The following SLC25A21 variants were observed in gnomAD, a reference collection of about 807,000 sequenced individuals.
SLC25A21 encodes solute carrier family 25 member 21, also known as mitochondrial 2-oxodicarboxylate carrier.
SLC25A21 carries 47 observed loss-of-function variants against 43.8 expected under a neutral mutation model. The observed-to-expected ratio is 1.07, with a 90% CI of 0.85 to 1.37. SLC25A21 has a LOEUF of 1.37. Among genes scored for constraint, SLC25A21 ranks in the 40% most tolerant of loss-of-function variants. SLC25A21 has a pLI of 0.00. For synonymous variants in SLC25A21, 131 were observed against 121.3 expected (o/e 1.08, Z -0.52); for missense variants, 352 against 350.2 (o/e 1.00, Z -0.04).
intron 7 of SLC25A21, among the ~76,000 whole-genome samples, chr14:36,688,165 T>C (rs1882634437): frequency 6.6e-6 from 1 of 152,234 alleles, no homozygotes; most frequent in Admixed American, 6.5e-5. Context: ...TTCTCCATCA[T>C]ATTCACCTAT....
intron 1 of SLC25A21, among the ~76,000 whole-genome samples, chr14:36,927,471 A>G (rs1892162665): frequency 6.6e-6 from 1 of 152,196 alleles, no homozygotes; most frequent in Admixed American, 6.5e-5. Context: ...AGGTGAAGGG[A>G]CGAAATGGTT....
chr14:36,777,905 A>G lies in SLC25A21; in HGVS notation c.203+36013T>C, dbSNP rs115298583. Among the ~76,000 whole-genome samples the G allele has an allele frequency of 1.8e-3, 270 of 152,256 alleles. 1 individual carries two copies. The highest frequency in any genetic ancestry group is 6.2e-3 in the African/African-American group (259 of 41,560). On this transcript the variant is annotated intron_variant, in intron 3 of 9. Coordinates refer to ENST00000331299, the MANE Select transcript of SLC25A21 (RefSeq NM_030631.4). Reference sequence around the variant, plus strand: ...ATTCCCTTCCATGAACAGAATCTATACTCACTATACTGTCTCCCAACCTAG... The same window carrying G: ...ATTCCCTTCCATGAACAGAATCTATGCTCACTATACTGTCTCCCAACCTAG...
At chr14:36,870,793 G>A (rs547505393) in intron 2 of SLC25A21, 44 of 152,368 alleles carry the variant, frequency 2.9e-4, no homozygotes, top group African/African-American at 9.9e-4. Context: ...GGGAACCGGT[G>A]GGTGGAGAGG....
intron 1 of SLC25A21, among the ~76,000 whole-genome samples, chr14:36,920,750 A>G (rs1891958382): frequency 6.6e-6 from 1 of 152,064 alleles, no homozygotes; most frequent in African/African-American, 2.4e-5. Context: ...AAACTAAAAA[A>G]CTCTTTAAAG....
intron 1 of SLC25A21, among the ~76,000 whole-genome samples, chr14:37,038,474 T>C (rs78592601): frequency 0.045 from 6,925 of 152,296 alleles, 529 homozygotes; most frequent in African/African-American, 0.16. Context: ...AAATGTGACA[T>C]ATTATTTCTA....
At chr14:37,054,768 C>A (rs1428611053) in intron 1 of SLC25A21, among the ~76,000 whole-genome samples, 2 of 152,188 alleles carry the variant, frequency 1.3e-5, no homozygotes, top group African/African-American at 4.8e-5. Context: ...ATAAAAAGAT[C>A]TAGAACTTTC....
chr14:37,115,958 A>G (rs1292554249), intron 1 of SLC25A21, among the ~76,000 whole-genome samples: 6 of 152,322 alleles, frequency 3.9e-5, no homozygotes, highest in South Asian at 2.1e-4. Flanking sequence ...GAAAATACAA[A>G]TAATACATTA....
At chr14:36,741,297 T>G (rs903851504) in intron 3 of SLC25A21, among the ~76,000 whole-genome samples, 1 of 152,192 alleles carries the variant, frequency 6.6e-6, no homozygotes, top group African/African-American at 2.4e-5. Context: ...ATTTTCTTAT[T>G]TGCAGCTCCC....
At chr14:37,170,399 A>G (rs1964103350) in intron 1 of SLC25A21, among the ~76,000 whole-genome samples, 1 of 152,152 alleles carries the variant, frequency 6.6e-6, no homozygotes, top group Non-Finnish European at 1.5e-5. Flanking sequence ...GATCATATAA[A>G]TTAGCATACA....
chr14:36,714,180 A>C (rs762433908), intron 6 of SLC25A21, among the ~76,000 whole-genome samples: 1 of 152,260 alleles, frequency 6.6e-6, no homozygotes, highest in Non-Finnish European at 1.5e-5. Flanking sequence ...TAGTTATAAC[A>C]ATAAAATGAC....
chr14:37,104,004 C>G (rs1489188695), intron 1 of SLC25A21, among the ~76,000 whole-genome samples: 1 of 152,146 alleles, frequency 6.6e-6, no homozygotes. Flanking sequence ...GTGCTTCCCA[C>G]GGCTCGTGGA....
At chr14:37,145,476 C>CACACAG (rs780734735) in intron 1 of SLC25A21, among the ~76,000 whole-genome samples, 82 of 143,672 alleles carry the variant, frequency 5.7e-4, no homozygotes, top group African/African-American at 1.7e-3. Flanking sequence ...CACACACACA[C>CACACAG]AGAGAGATGA....
intron 1 of SLC25A21, among the ~76,000 whole-genome samples, chr14:37,151,487 C>A (rs983396089): frequency 1.3e-5 from 2 of 152,164 alleles, no homozygotes; most frequent in Non-Finnish European, 2.9e-5. Context: ...GACTTTTGTA[C>A]AAGGGCAGAC....
chr14:36,839,017 T>G (rs1276651454), intron 2 of SLC25A21, among the ~76,000 whole-genome samples: 1 of 152,228 alleles, frequency 6.6e-6, no homozygotes, highest in African/African-American at 2.4e-5. Flanking sequence ...TTCTTTAATC[T>G]ACATAATTAC....
chr14:36,801,075 ACTCTTGGGAGT>A (rs1433166943), intron 3 of SLC25A21, among the ~76,000 whole-genome samples: 1 of 152,082 alleles, frequency 6.6e-6, no homozygotes, highest in Admixed American at 6.6e-5. Context: ...CAGAGCTCTC[ACTCTTGGGAGT>A]GGACATTCTG....
intron 2 of SLC25A21, among the ~76,000 whole-genome samples, chr14:36,841,959 A>G (rs977919065): frequency 1.6e-4 from 24 of 152,228 alleles, no homozygotes; most frequent in Non-Finnish European, 2.8e-4. Context: ...ATGCAAAGCC[A>G]GAAACCTTAC....
intron 7 of SLC25A21, among the ~76,000 whole-genome samples, chr14:36,702,510 A>AG (rs1289454561): frequency 2.7e-5 from 4 of 149,806 alleles, no homozygotes; most frequent in Non-Finnish European, 4.4e-5. Context: ...AGAAAGAAAA[A>AG]GAAAAAAAAA....
chr14:36,857,769 C>T (rs532998674), intron 2 of SLC25A21, among the ~76,000 whole-genome samples: 53 of 152,288 alleles, frequency 3.5e-4, no homozygotes, highest in African/African-American at 1.2e-3. Flanking sequence ...AGGAGAGGGG[C>T]ATTGGCATCA....
In SLC25A21 at chr14:36,974,635, T is replaced by C. The variant is rs532649959; in HGVS notation, c.71-99631A>G. Among the ~76,000 whole-genome samples the C allele has an allele frequency of 7.2e-5, 11 of 152,300 alleles. No homozygotes were observed. The South Asian group carries it at 2.3e-3, about 32-fold the overall frequency. ...GCATGAAATTCAAAGGAAATAGAGATTCTGCACCTTGGGCATCTTTGATAA... is the reference window on the plus strand; with the variant it reads ...GCATGAAATTCAAAGGAAATAGAGACTCTGCACCTTGGGCATCTTTGATAA... On this transcript the variant is annotated intron_variant, in intron 1 of 9. Transcript: ENST00000331299.
Sources: gnomAD v4.1 joint callset for allele counts (sites outside exome capture counted in the v4.1 genomes callset) on GRCh38, gnomAD v4.1.1 for gene constraint, MANE v1.5 for transcripts, NCBI Gene and HGNC (gene_info 2026-07-23, HGNC 2026-07-21) for gene names.